The following PPAT variants were observed in gnomAD, a reference collection of about 807,000 sequenced individuals.
PPAT encodes amidophosphoribosyltransferase.
In PPAT, 20 loss-of-function variants were observed where a neutral mutation model predicts 60.2. The observed-to-expected ratio is 0.33, with a 90% CI of 0.23 to 0.48. The LOEUF is 0.48. Ranked by LOEUF, PPAT falls within the 20% of genes least tolerant of loss-of-function variation. The pLI, the probability that PPAT is intolerant of heterozygous loss-of-function variation, is 0.99. For missense variants in PPAT, 349 were observed against 629.6 expected (o/e 0.55, Z 4.77); for synonymous variants, 194 against 215.1 (o/e 0.90, Z 0.86).
At position 56,406,564 on chromosome 4, in the gene PPAT, T is replaced by G; in HGVS notation, c.333A>C (p.Glu111Asp). 3.7e-6 allele frequency: 6 copies of G among 1,613,640 alleles called. No individual in the cohort carries two copies. Among genetic ancestry groups the G allele is most frequent in the Non-Finnish European group, 5.1e-6 (6 of 1,179,992 alleles). ...CCACAGCTATCTTCCCATGAAGTGTTTCAACAACGAAGGGCTGACAATTTT... is the reference window on the plus strand; with the variant it reads ...CCACAGCTATCTTCCCATGAAGTGTGTCAACAACGAAGGGCTGACAATTTT... The part of the protein sequence containing the change: ...ELENCQPFVV[E>D]TLHGKIAVAH... Residue 111 changes from glutamate to aspartate, a missense_variant, in exon 3 of 11, where the codon GAA becomes GAC. Glu to Asp is a conservative substitution (Grantham distance 45). Transcript: ENST00000264220.
intron 3 of PPAT, among the ~76,000 whole-genome samples, chr4:56,404,293 A>T (rs1299533506): frequency 2.0e-5 from 3 of 152,206 alleles, no homozygotes; most frequent in Non-Finnish European, 4.4e-5. Flanking sequence ...TATTCCTATA[A>T]AAGTAGTACA....
intron 1 of PPAT, among the ~76,000 whole-genome samples, chr4:56,427,104 T>G (rs1427907203): frequency 6.6e-6 from 1 of 152,374 alleles, no homozygotes; most frequent in East Asian, 1.9e-4. Context: ...ATTGTATGGA[T>G]ACACCATTTT....
intron 1 of PPAT, among the ~76,000 whole-genome samples, chr4:56,431,973 G>A (rs998060019): frequency 2.2e-4 from 33 of 152,134 alleles, no homozygotes; most frequent in African/African-American, 7.5e-4. Context: ...GCAGAGCTAC[G>A]GAATAAATCT....
intron 9 of PPAT, 46 bp downstream of exon 9, chr4:56,399,133 T>C: frequency 1.3e-6 from 2 of 1,507,290 alleles, no homozygotes; most frequent in Non-Finnish European, 9.2e-7. Context: ...TATGCCAGTA[T>C]CTTATTGTTA....
At chr4:56,398,032 C>A (rs1716021643) in intron 9 of PPAT, among the ~76,000 whole-genome samples, 1 of 147,282 alleles carries the variant, frequency 6.8e-6, no homozygotes, top group African/African-American at 2.5e-5. Context: ...CACAGTGAGT[C>A]CCAGTATCAA....
intron 3 of PPAT, 23 bp from the exon 4 acceptor site, chr4:56,403,424 T>C (rs1287033496): frequency 2.6e-6 from 4 of 1,562,144 alleles, no homozygotes; most frequent in Non-Finnish European, 2.6e-6. Context: ...AAAGAGAAGT[T>C]TAATCATCAG....
At chr4:56,428,765 C>A (rs1023166781) in intron 1 of PPAT, among the ~76,000 whole-genome samples, 4 of 152,112 alleles carry the variant, frequency 2.6e-5, no homozygotes, top group Non-Finnish European at 4.4e-5. Flanking sequence ...TAATTTAAGC[C>A]AAGAGTTTCA....
chr4:56,402,449 G>C (rs1334417946), intron 5 of PPAT, among the ~76,000 whole-genome samples: 1 of 152,076 alleles, frequency 6.6e-6, no homozygotes, highest in African/African-American at 2.4e-5. Flanking sequence ...CTGCAGAAAT[G>C]AAAAAGCTAG....
intron 1 of PPAT, chr4:56,410,929 GA>G (rs1165432112): frequency 2.0e-5 from 8 of 391,684 alleles, no homozygotes; most frequent in African/African-American, 4.5e-5. Flanking sequence ...AAAAAAAAAA[GA>G]AAAGTACTCT....
rs1185258809 is a variant in PPAT at position 56,393,683 on chromosome 4, C to A, written c.*1669G>T. 3 of 152,598 alleles carry A rather than the reference C, an allele frequency of 2.0e-5. No individual in the cohort carries two copies. The highest frequency in any genetic ancestry group is 7.2e-5 in the African/African-American group (3 of 41,436). The allele number at this position is 152,598 out of a possible 1,614,324, so 9.5% of individuals were successfully genotyped here. A position where few individuals can be genotyped will look rare whatever the true frequency, so the allele number is the denominator to read the frequency against. On this transcript the variant is annotated 3_prime_UTR_variant, in exon 11 of 11. Coordinates refer to ENST00000264220, the MANE Select transcript of PPAT (RefSeq NM_002703.5). Reference sequence around the variant, plus strand: ...AAGCATCTCAGTAAAACAAAAACTACAGAAAACGCAAAGTAAAATCAGAGA... The same window carrying A: ...AAGCATCTCAGTAAAACAAAAACTAAAGAAAACGCAAAGTAAAATCAGAGA...
At chr4:56,417,931 C>T (rs1429407291) in intron 1 of PPAT, among the ~76,000 whole-genome samples, 1 of 151,082 alleles carries the variant, frequency 6.6e-6, no homozygotes, top group African/African-American at 2.4e-5. Context: ...ATCCTGCCTC[C>T]CAGGTTCAAG....
intron 1 of PPAT, among the ~76,000 whole-genome samples, chr4:56,415,003 AT>A (rs1222732032): frequency 6.6e-6 from 1 of 152,142 alleles, no homozygotes; most frequent in East Asian, 1.9e-4. Context: ...ACTTATGTTT[AT>A]TTTTCATTTG....
At position 56,395,490 on chromosome 4, in the gene PPAT, C is replaced by A. The variant is rs76674380; in HGVS notation, c.1416G>T (p.Gly472=). Residue 472 remains glycine, a synonymous_variant, in exon 11 of 11, where the codon GGG becomes GGT. Coordinates refer to ENST00000264220, the MANE Select transcript of PPAT (RefSeq NM_002703.5). ...VEGLVSSVQE[G]IKFKKQKEKK... Reference sequence around the variant, plus strand: ...TCTCTTTCTGTTTTTTAAACTTTATCCCTTCTTGTACAGATGAAACCAGTC... The same window carrying A: ...TCTCTTTCTGTTTTTTAAACTTTATACCTTCTTGTACAGATGAAACCAGTC... 549 of 1,612,566 alleles carry A rather than the reference C, an allele frequency of 3.4e-4. 5 individuals are homozygous for A. The East Asian group carries it at 0.012, about 34-fold the overall frequency.
Position 56,410,429 on chromosome 4 carries a change from C to T in PPAT, c.129-2713G>A, listed in dbSNP as rs530466141. On this transcript the variant is annotated intron_variant, in intron 1 of 10. Coordinates refer to ENST00000264220, the MANE Select transcript of PPAT (RefSeq NM_002703.5). ...GTTAAACTACATCCTTTCAGCTCTT[C>T]GGAGCTTATTGACAACCAGCCATGT... 19 of 677,208 alleles carry T rather than the reference C, an allele frequency of 2.8e-5. No individual in the cohort carries two copies. The Admixed American group carries it at 8.2e-4, about 29-fold the overall frequency. The allele number at this position is 677,208 out of a possible 1,614,324, so 41.9% of individuals were successfully genotyped here.
At position 56,424,504 on chromosome 4, in the gene PPAT, C is replaced by G. The variant is rs79073051; in HGVS notation, c.128+10846G>C. Among the ~76,000 whole-genome samples, 34 of 152,212 alleles carry G rather than the reference C, an allele frequency of 2.2e-4. No individual in the cohort carries two copies. In the East Asian group the frequency reaches 6.4e-3, roughly 28 times the overall value. On this transcript the variant is annotated intron_variant, in intron 1 of 10. Coordinates refer to ENST00000264220, the MANE Select transcript of PPAT (RefSeq NM_002703.5). ...TAGATTATCACTTAAAAATTAATGA[C>G]TAATGGAATATGAAGGAAATCAATC...
chr4:56,405,461 T>C (rs1716221225), intron 3 of PPAT, among the ~76,000 whole-genome samples: 1 of 152,226 alleles, frequency 6.6e-6, no homozygotes, highest in Admixed American at 6.5e-5. Flanking sequence ...AGCATCAGTA[T>C]GAGGGCTAGT....
At chr4:56,407,629 T>C (rs1381092116) in intron 2 of PPAT, 21 bp downstream of exon 2, 2 of 1,576,210 alleles carry the variant, frequency 1.3e-6, no homozygotes, top group Non-Finnish European at 1.7e-6. Flanking sequence ...GTCATCAACA[T>C]TTCTTAAAGT....
At position 56,394,285 on chromosome 4, in the gene PPAT, T is replaced by G. The variant is rs981281131; in HGVS notation, c.*1067A>C. Reference sequence around the variant, plus strand: ...CTAATTCCCCAAAGTGGTTGTCTCTTTGATCCTTAAACAAAACTGGCCCCT... The same window carrying G: ...CTAATTCCCCAAAGTGGTTGTCTCTGTGATCCTTAAACAAAACTGGCCCCT... On this transcript the variant is annotated 3_prime_UTR_variant, in exon 11 of 11. Coordinates refer to ENST00000264220, the MANE Select transcript of PPAT (RefSeq NM_002703.5). 6.6e-6 allele frequency: 1 copy of G among 152,208 alleles called. No homozygotes were observed. Among genetic ancestry groups the G allele is most frequent in the Non-Finnish European group, 1.5e-5 (1 of 68,030 alleles). The allele number at this position is 152,208 out of a possible 1,614,324, so 9.4% of individuals were successfully genotyped here.
chr4:56,401,278 G>C (rs1216908356), intron 7 of PPAT, 52 bp downstream of exon 7: 2 of 1,475,666 alleles, frequency 1.4e-6, no homozygotes, highest in Non-Finnish European at 1.8e-6. Flanking sequence ...CATGTTTCAA[G>C]GAGATAGCTA....
Sources: allele counts gnomAD v4.1 joint callset (sites outside exome capture counted in the v4.1 genomes callset), GRCh38; gene constraint gnomAD v4.1.1; transcripts MANE v1.5; gene names NCBI Gene and HGNC (gene_info 2026-07-23, HGNC 2026-07-21).